ZC3H4: variants seen among roughly 807,000 people sequenced by gnomAD.
The protein encoded by ZC3H4 is zinc finger CCCH-type containing 4, also known as zinc finger CCCH domain-containing protein 4.
In ZC3H4, 13 loss-of-function variants were observed where a neutral mutation model predicts 108.3. That is an observed-to-expected ratio of 0.12 (90% CI 0.08 to 0.19). The LOEUF (loss-of-function observed/expected upper bound fraction) is 0.19, where lower values mean the gene tolerates loss of function less well. ZC3H4 is among the 10% of genes least tolerant of loss of function. The pLI, the probability that ZC3H4 is intolerant of heterozygous loss-of-function variation, is 1.00. For synonymous variants in ZC3H4, 917 were observed against 749.6 expected (o/e 1.22, Z -3.65); for missense variants, 1,734 against 1,838.8 (o/e 0.94, Z 1.04).
chr19:47,108,475 C>A (rs1036617710), intron 2 of ZC3H4, among the ~76,000 whole-genome samples: 4 of 152,312 alleles, frequency 2.6e-5, no homozygotes, highest in Middle Eastern at 3.4e-3. Flanking sequence ...CTCAGACAGC[C>A]ATTTCTCTCC....
At chr19:47,080,257 C>A (rs1181184623) in intron 11 of ZC3H4, among the ~76,000 whole-genome samples, 1 of 152,202 alleles carries the variant, frequency 6.6e-6, no homozygotes, top group Non-Finnish European at 1.5e-5. Flanking sequence ...GTATTTAACC[C>A]TAACCCAAGG....
rs890059554 is a variant in ZC3H4 at position 47,110,913 on chromosome 19, T to C, written c.161+1511A>G. 7.1e-6 allele frequency: 7 copies of C among 984,914 alleles called. No individual in the cohort carries two copies. In the African/African-American group the frequency reaches 1.2e-4, roughly 17 times the overall value. The allele number at this position is 984,914 out of a possible 1,614,324, so 61.0% of individuals were successfully genotyped here. A position where few individuals can be genotyped will look rare whatever the true frequency, so the allele number is the denominator to read the frequency against. ...AGCTCACCAAACTGCTGCACTTGTG[T>C]CTCTGAATGTGGGTGGCATTTCTTT... On this transcript the variant is annotated intron_variant, in intron 2 of 14. Transcript: ENST00000253048.
At chr19:47,086,769 C>A (rs1474641060) in intron 5 of ZC3H4, among the ~76,000 whole-genome samples, 1 of 152,184 alleles carries the variant, frequency 6.6e-6, no homozygotes, top group Non-Finnish European at 1.5e-5. Context: ...CTCCAGTACT[C>A]ACTCCCCTTC....
intron 2 of ZC3H4, among the ~76,000 whole-genome samples, chr19:47,111,883 G>A (rs925046415): frequency 5.3e-5 from 8 of 152,150 alleles, no homozygotes; most frequent in African/African-American, 1.9e-4. Flanking sequence ...CCTCCCCCAG[G>A]AGAAAGGATA....
chr19:47,089,163 G>A (rs1370362615), intron 5 of ZC3H4, among the ~76,000 whole-genome samples: 10 of 132,232 alleles, frequency 7.6e-5, no homozygotes, highest in Admixed American at 9.1e-5. Flanking sequence ...CCGAGATCGC[G>A]CCACTGCACT....
chr19:47,113,471 G>T (rs190505373), intron 1 of ZC3H4: 59 of 153,020 alleles, frequency 3.9e-4, no homozygotes, highest in Admixed American at 1.0e-3. Context: ...AGAGCCGAAA[G>T]CGGTGTCCGG....
At chr19:47,089,829 C>T in intron 5 of ZC3H4, 138 bp downstream of exon 5, 2 of 860,832 alleles carry the variant, frequency 2.3e-6, no homozygotes, top group Non-Finnish European at 3.6e-6. Context: ...GTGCCATGCA[C>T]ATGCAGAGCC....
chr19:47,069,692 T>C (rs2057291657), intron 13 of ZC3H4, among the ~76,000 whole-genome samples: 1 of 152,238 alleles, frequency 6.6e-6, no homozygotes, highest in Admixed American at 6.5e-5. Context: ...CAGGGATTTC[T>C]GTACTCTTTC....
chr19:47,084,552 T>G (rs2122871930), intron 8 of ZC3H4, 97 bp from the exon 9 acceptor site: 4 of 1,156,124 alleles, frequency 3.5e-6, no homozygotes, highest in Non-Finnish European at 3.8e-6. Flanking sequence ...GGATGAGGGG[T>G]CCCTTCAGAT....
chr19:47,076,117 T>C lies in ZC3H4; in HGVS notation c.1441-3404A>G, dbSNP rs190947029. On this transcript the variant is annotated intron_variant, in intron 11 of 14. Transcript: ENST00000253048. The stretch of plus-strand genomic sequence containing the variant: ...GCCATGTGAATAAGCTCCAGGCCAC[T>C]GGTCACCAACGCTGTTGCCTCGAAC... Among the ~76,000 whole-genome samples, 90 of 152,366 alleles carry C rather than the reference T, an allele frequency of 5.9e-4. 1 individual carries two copies. In the East Asian group the frequency reaches 0.017, roughly 29 times the overall value.
chr19:47,066,626 T>G lies in ZC3H4; in HGVS notation c.3642A>C (p.Arg1214Ser), dbSNP rs756638692. ...AGADGGTPTD[R>S]YNSYNRPRPK... The stretch of plus-strand genomic sequence containing the variant: ...GCCGGGGCCGGTTGTAGCTGTTGTA[T>G]CTGTCCGTGGGGGTGCCCCCATCAG... Residue 1214 changes from arginine to serine, a missense_variant, in exon 15 of 15, where the codon AGA becomes AGC. By Grantham distance (110) the Arg-to-Ser change is moderately radical. Around this residue, in one of 9 missense-constraint regions of ZC3H4, gnomAD observed 518 missense variants for 499.6 expected, o/e 1.04. Transcript: ENST00000253048. 2 of 1,611,308 alleles carry G rather than the reference T, an allele frequency of 1.2e-6. No individual in the cohort carries two copies. The highest frequency in any genetic ancestry group is 1.7e-6 in the Non-Finnish European group (2 of 1,179,190).
At position 47,072,188 on chromosome 19, in the gene ZC3H4, G is replaced by A. The variant is rs1056437448; in HGVS notation, c.1803-67C>T. On this transcript the variant is annotated intron_variant, in intron 12 of 14. Transcript: ENST00000253048. The surrounding 1 kb of genome is among the most constrained non-coding windows in gnomAD (Gnocchi z 5.6). ...AGGGCAGTGGCCACACCCCAGAGGA[G>A]AGGCGGAGGGCTGCAGAGCCGAAGG... The A allele has an allele frequency of 1.4e-6, 2 of 1,442,688 alleles. No homozygotes were observed. Among genetic ancestry groups the A allele is most frequent in the Non-Finnish European group, 1.8e-6 (2 of 1,083,866 alleles). 89.4% of individuals were successfully genotyped at this position (1,442,688 alleles called of 1,614,324 possible). A position where few individuals can be genotyped will look rare whatever the true frequency, so the allele number is the denominator to read the frequency against.
At chr19:47,111,804 G>A (rs1382932708) in intron 2 of ZC3H4, among the ~76,000 whole-genome samples, 4 of 151,842 alleles carry the variant, frequency 2.6e-5, no homozygotes, top group Non-Finnish European at 4.4e-5. Context: ...ATGGAGAAGG[G>A]ACCTGAATGA....
chr19:47,100,530 C>T (rs1227383499), intron 2 of ZC3H4, among the ~76,000 whole-genome samples: 1 of 151,752 alleles, frequency 6.6e-6, no homozygotes, highest in Non-Finnish European at 1.5e-5. Flanking sequence ...TACACCCTCA[C>T]TTCAACATAA....
rs534468132 is a variant in ZC3H4, at chr19:47,069,239, G to A, written c.2251C>T (p.Arg751Trp). The A allele has an allele frequency of 2.6e-5, 42 of 1,613,626 alleles. No individual in the cohort carries two copies. In the South Asian group the frequency reaches 2.9e-4, roughly 11 times the overall value. The change falls in exon 14 of 15, where the codon CGG (arginine) becomes TGG (tryptophan). Residue 751 changes from arginine to tryptophan, a missense_variant. Physicochemically the swap from Arg to Trp is moderately radical, Grantham distance 101 (BLOSUM62 -3). Around this residue, in one of 9 missense-constraint regions of ZC3H4, gnomAD observed 540 missense variants for 484.1 expected, o/e 1.12. Coordinates refer to ENST00000253048, the MANE Select transcript of ZC3H4 (RefSeq NM_015168.2). ...GGGACACCGGCGCCTGGCTTCGGCC[G>A]GCCTGGGGGCCCTCCCTCAGAGAAG... ...DSFSEGGPPG[R>W]PKPGAGVPDF... is the part of the protein sequence containing the mutation.
chr19:47,089,458 T>C (rs1440457651), intron 5 of ZC3H4, among the ~76,000 whole-genome samples: 1 of 152,236 alleles, frequency 6.6e-6, no homozygotes, highest in African/African-American at 2.4e-5. Flanking sequence ...ATTACAGGCA[T>C]GGGCCACTGC....
Position 47,064,678 on chromosome 19 carries a change from G to A in ZC3H4, c.*1678C>T, listed in dbSNP as rs905822799. 6.7e-6 allele frequency: 1 copy of A among 149,790 alleles called. No homozygotes were observed. The highest frequency in any genetic ancestry group is 1.5e-5 in the Non-Finnish European group (1 of 67,710). 9.3% of individuals were successfully genotyped at this position (149,790 alleles called of 1,614,324 possible). ...CCAAGGGCTGTGCCCTCTGCTTCAA[G>A]GCCAACACTGGTGGCTGAAGACAAA... On this transcript the variant is annotated 3_prime_UTR_variant, in exon 15 of 15. Transcript: ENST00000253048.
intron 2 of ZC3H4, among the ~76,000 whole-genome samples, chr19:47,109,591 A>G (rs1259089316): frequency 6.6e-6 from 1 of 152,146 alleles, no homozygotes; most frequent in Non-Finnish European, 1.5e-5. Flanking sequence ...TTCTTGCAGG[A>G]TATCGTAGTT....
intron 2 of ZC3H4, among the ~76,000 whole-genome samples, chr19:47,095,225 G>A (rs1555784192): frequency 1.3e-5 from 2 of 152,208 alleles, no homozygotes; most frequent in Non-Finnish European, 2.9e-5. Flanking sequence ...ACCAGGGGTG[G>A]CCCCAAGCTA....
Sources: gnomAD v4.1 joint callset for allele counts (sites outside exome capture counted in the v4.1 genomes callset) on GRCh38, gnomAD v4.1.1 for gene constraint, gnomAD v4.1.1 regional missense constraint, Gnocchi (gnomAD v3.1) non-coding constraint, MANE v1.5 for transcripts, NCBI Gene and HGNC (gene_info 2026-07-23, HGNC 2026-07-21) for gene names.